Variants in KIF26B observed in about 807,000 individuals in gnomAD.
The protein encoded by KIF26B is kinesin family member 26B, also known as kinesin-like protein KIF26B.
A neutral mutation model predicts 151.2 loss-of-function variants in KIF26B; 63 were observed. That is an observed-to-expected ratio of 0.42 (90% CI 0.34 to 0.51). The LOEUF (loss-of-function observed/expected upper bound fraction) is 0.51, where lower values mean the gene tolerates loss of function less well. KIF26B is among the 20% of genes least tolerant of loss of function. The pLI, the probability that KIF26B is intolerant of heterozygous loss-of-function variation, is 0.07. For missense variants in KIF26B, 2,813 were observed against 2,913.6 expected (o/e 0.97, Z 0.79); for synonymous variants, 1,357 against 1,262.1 (o/e 1.08, Z -1.59).
In KIF26B at chr1:245,184,050, G is replaced by GTTTTTTGTTT. The variant is rs1553332272; in HGVS notation, c.465+27373_465+27374insGTTTTTTTTT. 4.0e-4 allele frequency among the ~76,000 whole-genome samples: 8 copies of GTTTTTTGTTT among 19,804 alleles called. 1 individual carries two copies. Among genetic ancestry groups the GTTTTTTGTTT allele is most frequent in the Admixed American group, 1.0e-3 (1 of 958 alleles). The allele number at this position is 19,804 out of a possible 152,430, so 13.0% of individuals were successfully genotyped here. On this transcript the variant is annotated intron_variant, in intron 2 of 14. Coordinates refer to ENST00000407071, the MANE Select transcript of KIF26B (RefSeq NM_018012.4). Reference sequence around the variant, plus strand: ...GCAACAGGTATGGGTGGGAGTTGTTGTTTTTTTTTTTTTTTTTTTGAGCTT... The same window carrying GTTTTTTGTTT: ...GCAACAGGTATGGGTGGGAGTTGTTGTTTTTTGTTTTTTTTTTTTTTTTTTTTTTGAGCTT...
intron 10 of KIF26B, among the ~76,000 whole-genome samples, chr1:245,669,158 A>G (rs1315356534): frequency 6.6e-6 from 1 of 152,234 alleles, no homozygotes; most frequent in African/African-American, 2.4e-5. Context: ...TCCCCAGCCA[A>G]TGACTGGTTA....
rs1236181782 is a variant in KIF26B, at chr1:245,564,397, C to T, written c.1350+23447C>T. ...CCCGGAGCAGGAACGGGGCCACGGC[C>T]GTGTTTGCATTTTCTGAACCCAGGA... On this transcript the variant is annotated intron_variant, in intron 5 of 14. Transcript: ENST00000407071. The surrounding 1 kb of genome is among the most constrained non-coding windows in gnomAD (Gnocchi z 4.6). Among the ~76,000 whole-genome samples, 2 of 152,108 alleles carry T rather than the reference C, an allele frequency of 1.3e-5. No homozygotes were observed. The highest frequency in any genetic ancestry group is 2.1e-4 in the South Asian group (1 of 4,818).
chr1:245,506,435 T>A (rs375019252), intron 4 of KIF26B, among the ~76,000 whole-genome samples: 155 of 152,364 alleles, frequency 1.0e-3, no homozygotes, highest in African/African-American at 3.6e-3. Flanking sequence ...ATCTGCCCAA[T>A]AAACCAGAAT....
chr1:245,325,052 G>T (rs1374160167), intron 2 of KIF26B, among the ~76,000 whole-genome samples: 1 of 144,590 alleles, frequency 6.9e-6, no homozygotes, highest in Non-Finnish European at 1.5e-5. Context: ...TCAAGATCAC[G>T]CCACTGCACT....
chr1:245,172,697 C>G (rs553218931), intron 2 of KIF26B, among the ~76,000 whole-genome samples: 2 of 152,300 alleles, frequency 1.3e-5, no homozygotes, highest in Non-Finnish European at 2.9e-5. Flanking sequence ...GTAATTCCAG[C>G]TACTTGGGAG....
At chr1:245,421,433 G>C (rs1403531763) in intron 4 of KIF26B, among the ~76,000 whole-genome samples, 2 of 152,190 alleles carry the variant, frequency 1.3e-5, no homozygotes, top group South Asian at 4.2e-4. Context: ...GGAGGAGACG[G>C]ACCTCCCAGC....
At chr1:245,573,453 G>A (rs1166827431) in intron 5 of KIF26B, among the ~76,000 whole-genome samples, 1 of 152,110 alleles carries the variant, frequency 6.6e-6, no homozygotes, top group Non-Finnish European at 1.5e-5. Context: ...AACCCAGGAG[G>A]TGGAGGTTGC....
intron 2 of KIF26B, among the ~76,000 whole-genome samples, chr1:245,336,653 G>T (rs1395085585): frequency 6.6e-6 from 1 of 152,196 alleles, no homozygotes; most frequent in African/African-American, 2.4e-5. Flanking sequence ...CCGCCTCCAG[G>T]TTTAGTCATT....
chr1:245,619,615 A>AT (rs2043636575), intron 9 of KIF26B, among the ~76,000 whole-genome samples: 2 of 151,274 alleles, frequency 1.3e-5, no homozygotes, highest in South Asian at 4.2e-4. Context: ...AAAAAAAAAA[A>AT]AAAAAAAGAA....
At chr1:245,395,477 C>T (rs1273130012) in intron 3 of KIF26B, among the ~76,000 whole-genome samples, 1 of 152,104 alleles carries the variant, frequency 6.6e-6, no homozygotes, top group African/African-American at 2.4e-5. Context: ...AACCAGGTGC[C>T]ACGTAGACCT....
intron 5 of KIF26B, among the ~76,000 whole-genome samples, chr1:245,547,271 G>T (rs1034391325): frequency 6.6e-6 from 1 of 152,206 alleles, no homozygotes; most frequent in Admixed American, 6.5e-5. Context: ...GGGCAGGAAA[G>T]TCATCCCAAG....
At chr1:245,271,634 A>G (rs1448773934) in intron 2 of KIF26B, among the ~76,000 whole-genome samples, 1 of 146,252 alleles carries the variant, frequency 6.8e-6, no homozygotes, top group Admixed American at 6.8e-5. Flanking sequence ...TTTATCTTTC[A>G]GTCTTTTAAT....
At chr1:245,528,112 A>G (rs968442626) in intron 4 of KIF26B, among the ~76,000 whole-genome samples, 1 of 152,104 alleles carries the variant, frequency 6.6e-6, no homozygotes, top group Admixed American at 6.5e-5. Flanking sequence ...CTAAGTGCAG[A>G]TGAAAAAGAA....
chr1:245,484,746 C>CTCTTCTTCTTCTTCTTCT (rs150455383), intron 4 of KIF26B, among the ~76,000 whole-genome samples: 7 of 145,476 alleles, frequency 4.8e-5, no homozygotes, highest in African/African-American at 1.5e-4. Flanking sequence ...TCTCCTCTTC[C>CTCTTCTTCTTCTTCTTCT]TCTTCTTCTT....
chr1:245,574,965 C>T (rs544315949), intron 5 of KIF26B, among the ~76,000 whole-genome samples: 11 of 149,732 alleles, frequency 7.3e-5, no homozygotes, highest in South Asian at 2.1e-4. Context: ...CCCGGGTTCA[C>T]GCCATTCTCC....
In KIF26B at chr1:245,691,804, A is replaced by G. The variant is rs796093997; in HGVS notation, c.5824+2997A>G. ...ATTCCTTGGTAGTACATGTAACAGC[A>G]GAAACGACCAAATATCACCGTGGTT... is the stretch of plus-strand genomic sequence containing the variant. On this transcript the variant is annotated intron_variant, in intron 12 of 14. Coordinates refer to ENST00000407071, the MANE Select transcript of KIF26B (RefSeq NM_018012.4). 1.3e-4 allele frequency among the ~76,000 whole-genome samples: 20 copies of G among 152,354 alleles called. 2 individuals carry two copies. The highest frequency in any genetic ancestry group is 4.8e-4 in the African/African-American group (20 of 41,584).
At chr1:245,165,057 C>T (rs1247027173) in intron 2 of KIF26B, among the ~76,000 whole-genome samples, 9 of 118,538 alleles carry the variant, frequency 7.6e-5, no homozygotes, top group African/African-American at 2.0e-4. Flanking sequence ...GGTGACGGTG[C>T]GAGACTCCAT....
chr1:245,644,598 T>C (rs1023019823), intron 9 of KIF26B, among the ~76,000 whole-genome samples: 5 of 152,136 alleles, frequency 3.3e-5, no homozygotes, highest in African/African-American at 7.2e-5. Context: ...TTTTAATATG[T>C]GTTAGGTGGG....
At chr1:245,193,342 C>T (rs922522150) in intron 2 of KIF26B, among the ~76,000 whole-genome samples, 9 of 152,146 alleles carry the variant, frequency 5.9e-5, no homozygotes, top group South Asian at 4.1e-4. Context: ...AGTGAACATA[C>T]GTGTGCATAT....
Sources: gnomAD v4.1 joint callset for allele counts (sites outside exome capture counted in the v4.1 genomes callset) on GRCh38, gnomAD v4.1.1 for gene constraint, Gnocchi (gnomAD v3.1) non-coding constraint, MANE v1.5 for transcripts, NCBI Gene and HGNC (gene_info 2026-07-23, HGNC 2026-07-21) for gene names.